Variants in CSMD1 observed in about 807,000 individuals in gnomAD.
CSMD1 encodes the protein CUB and Sushi multiple domains 1.
Under a neutral mutation model 417.5 loss-of-function variants are expected in CSMD1, and 213 were observed. That is an observed-to-expected ratio of 0.51 (90% CI 0.46 to 0.57). The LOEUF is 0.57. Among genes scored for constraint, CSMD1 ranks in the 20% least tolerant of loss-of-function variants. The pLI, the probability that CSMD1 is intolerant of heterozygous loss-of-function variation, is 0.00. For synonymous variants in CSMD1, 2,862 were observed against 1,736.8 expected, an observed-to-expected ratio of 1.65 and a Z score of -16.11; for missense variants, 6,923 against 4,529.7, an observed-to-expected ratio of 1.53 and a Z score of -15.17.
At chr8:3,891,439 G>A (rs569559810) in intron 5 of CSMD1, among the ~76,000 whole-genome samples, 60 of 152,162 alleles carry the variant, frequency 3.9e-4, no homozygotes, top group African/African-American at 1.4e-3. Context: ...CAGAACTTTG[G>A]GAGGCCAAGG....
intron 10 of CSMD1, among the ~76,000 whole-genome samples, chr8:3,538,520 A>G (rs1021928567): frequency 1.7e-4 from 26 of 151,760 alleles, no homozygotes; most frequent in Middle Eastern, 3.4e-3. Context: ...GAGATGCCCC[A>G]CCTGCGATGC....
At chr8:4,949,628 C>G (rs899567002) in intron 1 of CSMD1, among the ~76,000 whole-genome samples, 4 of 152,088 alleles carry the variant, frequency 2.6e-5, no homozygotes, top group Non-Finnish European at 4.4e-5. Context: ...CATCCCCAAC[C>G]AAGAAGCATC....
intron 8 of CSMD1, among the ~76,000 whole-genome samples, chr8:3,608,464 T>G (rs1411869659): frequency 6.6e-6 from 1 of 152,032 alleles, no homozygotes; most frequent in African/African-American, 2.4e-5. Context: ...AATTTGAAAT[T>G]ATATATTAAA....
chr8:3,735,399 T>C lies in CSMD1; in HGVS notation c.931+18531A>G, dbSNP rs547522011. ...TCCTGGAAGTTGAGCAACTGTATAA[T>C]TTACAAAATCCTTAGATGATTCCAG... On this transcript the variant is annotated intron_variant, in intron 6 of 69. Transcript: ENST00000635120. 5.9e-5 allele frequency among the ~76,000 whole-genome samples: 9 copies of C among 152,316 alleles called. No homozygotes were observed. In the South Asian group the frequency reaches 1.9e-3, roughly 32 times the overall value.
chr8:4,016,851 C>G (rs1220597832), intron 4 of CSMD1, among the ~76,000 whole-genome samples: 1 of 152,048 alleles, frequency 6.6e-6, no homozygotes, highest in Non-Finnish European at 1.5e-5. Context: ...TATCAAAGAC[C>G]AAGAACAGCA....
At chr8:3,905,753 A>T (rs1014042722) in intron 5 of CSMD1, among the ~76,000 whole-genome samples, 3 of 152,206 alleles carry the variant, frequency 2.0e-5, no homozygotes, top group Non-Finnish European at 4.4e-5. Context: ...TTAAAATTGG[A>T]TGCTCATCAC....
chr8:4,029,568 G>T (rs1010261540), intron 4 of CSMD1, among the ~76,000 whole-genome samples: 2 of 152,032 alleles, frequency 1.3e-5, no homozygotes, highest in South Asian at 2.1e-4. Context: ...CCTCCCACTG[G>T]CTTCCTCCCA....
rs184610238 is a variant in CSMD1 at position 3,587,847 on chromosome 8, A to T, written c.1098-1587T>A. Among the ~76,000 whole-genome samples the T allele has an allele frequency of 5.3e-5, 8 of 152,244 alleles. No individual in the cohort carries two copies. The East Asian group carries it at 1.3e-3, about 26-fold the overall frequency. On this transcript the variant is annotated intron_variant, in intron 8 of 69. Coordinates refer to ENST00000635120, the MANE Select transcript of CSMD1 (RefSeq NM_033225.6). ...TGTCTAGGAAGTTCTTTTTTTCACCAGGAATCTAGGACAACTAGAGTTCTA... is the reference window on the plus strand; with the variant it reads ...TGTCTAGGAAGTTCTTTTTTTCACCTGGAATCTAGGACAACTAGAGTTCTA...
chr8:4,291,728 A>G (rs561514027), intron 3 of CSMD1, among the ~76,000 whole-genome samples: 1 of 152,224 alleles, frequency 6.6e-6, no homozygotes, highest in East Asian at 1.9e-4. Flanking sequence ...CTAATCAGTT[A>G]TATGCGGAGA....
chr8:3,943,259 T>C (rs1811004133), intron 5 of CSMD1, among the ~76,000 whole-genome samples: 1 of 152,052 alleles, frequency 6.6e-6, no homozygotes. Context: ...ATAATTTTAG[T>C]TCTATATTTT....
chr8:3,201,158 G>A (rs907541371), intron 32 of CSMD1, among the ~76,000 whole-genome samples: 1 of 152,158 alleles, frequency 6.6e-6, no homozygotes, highest in African/African-American at 2.4e-5. Flanking sequence ...TTGCATGTGT[G>A]GATAAATGTA....
intron 11 of CSMD1, among the ~76,000 whole-genome samples, chr8:3,474,088 T>C (rs1396977300): frequency 2.0e-5 from 3 of 152,086 alleles, no homozygotes; most frequent in Non-Finnish European, 2.9e-5. Flanking sequence ...AGAGATGAGA[T>C]TTGAGTGGGG....
At chr8:4,401,517 G>A (rs1804641374) in intron 3 of CSMD1, among the ~76,000 whole-genome samples, 1 of 152,104 alleles carries the variant, frequency 6.6e-6, no homozygotes, top group Non-Finnish European at 1.5e-5. Flanking sequence ...TCCCAGGTCA[G>A]CTTCTACCCT....
chr8:2,998,289 A>C, intron 53 of CSMD1, 105 bp from the exon 54 acceptor site: 3 of 1,164,168 alleles, frequency 2.6e-6, no homozygotes, highest in Non-Finnish European at 3.7e-6. Context: ...GTATGGACTG[A>C]AGGTTTTCCA....
At chr8:4,348,770 C>T (rs537829460) in intron 3 of CSMD1, among the ~76,000 whole-genome samples, 39 of 152,204 alleles carry the variant, frequency 2.6e-4, no homozygotes, top group Non-Finnish European at 5.0e-4. Context: ...AAATAAACTA[C>T]GAATGTGACT....
chr8:4,205,953 C>T (rs1384137440), intron 3 of CSMD1, among the ~76,000 whole-genome samples: 2 of 152,160 alleles, frequency 1.3e-5, no homozygotes, highest in Non-Finnish European at 2.9e-5. Flanking sequence ...TACTTGCTAC[C>T]TTCTTTTTCA....
chr8:3,184,475 T>A (rs1226381852), intron 36 of CSMD1, among the ~76,000 whole-genome samples: 2 of 152,176 alleles, frequency 1.3e-5, no homozygotes, highest in Non-Finnish European at 2.9e-5. Flanking sequence ...CTTTAATCTG[T>A]CTTCAGTTCT....
intron 4 of CSMD1, among the ~76,000 whole-genome samples, chr8:4,006,514 G>C (rs1037383571): frequency 1.3e-5 from 2 of 152,110 alleles, no homozygotes; most frequent in Admixed American, 1.3e-4. Flanking sequence ...ACTGCACTTG[G>C]CCTGAGCGAC....
intron 10 of CSMD1, among the ~76,000 whole-genome samples, chr8:3,563,866 G>C (rs567020636): frequency 6.6e-6 from 1 of 152,128 alleles, no homozygotes; most frequent in Non-Finnish European, 1.5e-5. Flanking sequence ...TCCAGCCTAG[G>C]TGACAGAACT....
Sources: allele counts gnomAD v4.1 joint callset (sites outside exome capture counted in the v4.1 genomes callset), GRCh38; gene constraint gnomAD v4.1.1; transcripts MANE v1.5; gene names NCBI Gene and HGNC (gene_info 2026-07-23, HGNC 2026-07-21).